CYTH1: variants seen among roughly 807,000 people sequenced by gnomAD.
CYTH1 encodes cytohesin 1, also known as cytohesin-1.
A neutral mutation model predicts 61.8 loss-of-function variants in CYTH1; 18 were observed. That is an observed-to-expected ratio of 0.29 (90% CI 0.20 to 0.43). The LOEUF is 0.43. CYTH1 is among the 20% of genes least tolerant of loss of function. CYTH1 has a pLI of 1.00. For synonymous variants in CYTH1, 174 were observed against 184.3 expected, an observed-to-expected ratio of 0.94 and a Z score of 0.45; for missense variants, 336 against 510.5, an observed-to-expected ratio of 0.66 and a Z score of 3.29.
intron 1 of CYTH1, among the ~76,000 whole-genome samples, chr17:78,720,981 A>G (rs1287550356): frequency 6.6e-6 from 1 of 152,238 alleles, no homozygotes; most frequent in African/African-American, 2.4e-5. Flanking sequence ...ACTTTTGCGT[A>G]GTGCATTTTA....
chr17:78,681,449 G>A (rs2092761444), intron 11 of CYTH1, among the ~76,000 whole-genome samples: 1 of 152,042 alleles, frequency 6.6e-6, no homozygotes, highest in South Asian at 2.1e-4. Context: ...CCGATGCCTG[G>A]GACTGCAGCT....
intron 1 of CYTH1, among the ~76,000 whole-genome samples, chr17:78,739,941 C>CA (rs1215639466): frequency 5.5e-5 from 7 of 126,576 alleles, no homozygotes; most frequent in African/African-American, 2.1e-4. Context: ...GCTATCTTTT[C>CA]TTTTTTTTTT....
In CYTH1 at chr17:78,674,085, C is replaced by CT. The variant is rs1238421012; in HGVS notation, c.*2005dup. The CT allele has an allele frequency of 1.3e-5, 2 of 152,568 alleles. No homozygotes were observed. The highest frequency in any genetic ancestry group is 2.9e-5 in the Non-Finnish European group (2 of 68,034). 9.5% of individuals were successfully genotyped at this position (152,568 alleles called of 1,614,324 possible). ...AGTTGGAGTTTATTTGCTGCAGTTCCTTGGCGCTAGTTTACAAGGCAAAAA... is the reference window on the plus strand; with the variant it reads ...AGTTGGAGTTTATTTGCTGCAGTTCCTTTGGCGCTAGTTTACAAGGCAAAAA... On this transcript the variant is annotated 3_prime_UTR_variant, in exon 14 of 14. Transcript: ENST00000446868.
chr17:78,684,938 C>A (rs1033146136), intron 11 of CYTH1, among the ~76,000 whole-genome samples: 1 of 152,148 alleles, frequency 6.6e-6, no homozygotes, highest in Non-Finnish European at 1.5e-5. Context: ...TGGTGGCTCA[C>A]GCCTGTAATC....
chr17:78,730,369 CAAAAAAAA>C (rs56790957), intron 1 of CYTH1, among the ~76,000 whole-genome samples: 5 of 95,356 alleles, frequency 5.2e-5, no homozygotes, highest in African/African-American at 2.0e-4. Context: ...ACTAAAAATA[CAAAAAAAA>C]AAAAAAAAAA....
chr17:78,677,659 C>G (rs1035287546), intron 13 of CYTH1: 1 of 152,380 alleles, frequency 6.6e-6, no homozygotes, highest in African/African-American at 2.4e-5. Context: ...GCTGGGACCA[C>G]CCACACGCAG....
At position 78,740,478 on chromosome 17, in the gene CYTH1, T is replaced by C. The variant is rs372431542; in HGVS notation, c.23-30746A>G. Among the ~76,000 whole-genome samples the C allele has an allele frequency of 2.2e-4, 34 of 152,342 alleles. 1 individual carries two copies. The East Asian group carries it at 6.0e-3, about 27-fold the overall frequency. On this transcript the variant is annotated intron_variant, in intron 1 of 13. Coordinates refer to ENST00000446868, the MANE Select transcript of CYTH1 (RefSeq NM_004762.6). The stretch of plus-strand genomic sequence containing the variant: ...GCTCGTTTAATAGCCATCATCCCTA[T>C]TGGGCACAGCAGGCCACCTCATAGG...
At chr17:78,721,188 G>C (rs757927606) in intron 1 of CYTH1, among the ~76,000 whole-genome samples, 2 of 152,100 alleles carry the variant, frequency 1.3e-5, no homozygotes, top group African/African-American at 2.4e-5. Context: ...AAATTAGCCA[G>C]GCGTGGTGGC....
intron 3 of CYTH1, among the ~76,000 whole-genome samples, chr17:78,705,210 T>G (rs993299337): frequency 2.0e-5 from 3 of 152,148 alleles, no homozygotes; most frequent in African/African-American, 7.2e-5. Context: ...AAGGCTTTCC[T>G]GCAGCCACCA....
At position 78,705,264 on chromosome 17, in the gene CYTH1, A is replaced by G. The variant is rs1199209133; in HGVS notation, c.171-2660T>C. ...ATCCGCCAGTCACAGTCTGTGCCAC[A>G]TGACTGCCTGGGACACACACCAGAG... is the stretch of plus-strand genomic sequence containing the variant. On this transcript the variant is annotated intron_variant, in intron 3 of 13. Transcript: ENST00000446868. Among the ~76,000 whole-genome samples the G allele has an allele frequency of 6.6e-5, 10 of 152,270 alleles. No individual in the cohort carries two copies. The South Asian group carries it at 1.9e-3, about 28-fold the overall frequency.
Position 78,782,223 on chromosome 17 carries a change from T to TGGTGCG in CYTH1, c.-6_-1dup. On this transcript the variant is annotated 5_prime_UTR_variant, in exon 1 of 14. Transcript: ENST00000446868. ...TGACCGTAGCTGTCGTCCTCCTCCA[T>TGGTGCG]GGTGCGGGAGCCGGGCTCCGCGCTC... 7.4e-7 allele frequency: 1 copy of TGGTGCG among 1,347,562 alleles called. No individual in the cohort carries two copies. The highest frequency in any genetic ancestry group is 9.7e-7 in the Non-Finnish European group (1 of 1,033,806). The allele number at this position is 1,347,562 out of a possible 1,614,324, so 83.5% of individuals were successfully genotyped here.
intron 3 of CYTH1, among the ~76,000 whole-genome samples, 177 bp downstream of exon 3, chr17:78,708,020 C>T (rs2093087223): frequency 6.6e-6 from 1 of 152,144 alleles, no homozygotes; most frequent in Admixed American, 6.5e-5. Context: ...CTCCTATGTT[C>T]AGGAGGCCTT....
intron 1 of CYTH1, among the ~76,000 whole-genome samples, chr17:78,744,845 C>CAAA (rs3038702): frequency 2.0e-5 from 2 of 98,152 alleles, no homozygotes; most frequent in Non-Finnish European, 4.4e-5. Flanking sequence ...GATTAGATGT[C>CAAA]AAAAAAAAAA....
chr17:78,757,986 C>A (rs2093408544), intron 1 of CYTH1, among the ~76,000 whole-genome samples: 1 of 152,054 alleles, frequency 6.6e-6, no homozygotes, highest in Non-Finnish European at 1.5e-5. Flanking sequence ...CAAGTATCAT[C>A]ATATACTGGT....
chr17:78,778,769 G>A (rs536905265), intron 1 of CYTH1, among the ~76,000 whole-genome samples: 1 of 152,080 alleles, frequency 6.6e-6, no homozygotes, highest in South Asian at 2.1e-4. Flanking sequence ...GTGAGACTCT[G>A]CAACTATTTA....
intron 1 of CYTH1, among the ~76,000 whole-genome samples, chr17:78,760,990 C>T (rs1181384304): frequency 6.6e-6 from 1 of 152,102 alleles, no homozygotes; most frequent in Non-Finnish European, 1.5e-5. Context: ...CATGCACCAC[C>T]ACACCCGGCT....
At chr17:78,718,222 C>CACACAT (rs2093199101) in intron 1 of CYTH1, among the ~76,000 whole-genome samples, 2 of 43,080 alleles carry the variant, frequency 4.6e-5, no homozygotes, top group African/African-American at 9.5e-5. Context: ...ACTGAATACA[C>CACACAT]ACACACACAC....
rs560495331 is a variant in CYTH1 at position 78,781,530 on chromosome 17, G to C, written c.22+672C>G. Among the ~76,000 whole-genome samples the C allele has an allele frequency of 2.3e-3, 345 of 152,220 alleles. 1 individual carries two copies. The highest frequency in any genetic ancestry group is 7.4e-3 in the African/African-American group (308 of 41,560). ...GCGGTGCCCCTCGGGCTCCACACCCGCGTCTCGGCAGGCGGCGACGCACCG... is the reference window on the plus strand; with the variant it reads ...GCGGTGCCCCTCGGGCTCCACACCCCCGTCTCGGCAGGCGGCGACGCACCG... On this transcript the variant is annotated intron_variant, in intron 1 of 13. Coordinates refer to ENST00000446868, the MANE Select transcript of CYTH1 (RefSeq NM_004762.6).
intron 1 of CYTH1, among the ~76,000 whole-genome samples, chr17:78,754,939 C>T (rs965384464): frequency 6.6e-6 from 1 of 152,014 alleles, no homozygotes. Context: ...GTCACACAAT[C>T]CAGCCATTCC....
Sources: gnomAD v4.1 joint callset for allele counts (sites outside exome capture counted in the v4.1 genomes callset) on GRCh38, gnomAD v4.1.1 for gene constraint, MANE v1.5 for transcripts, NCBI Gene and HGNC (gene_info 2026-07-23, HGNC 2026-07-21) for gene names.